MGP: variants seen among roughly 807,000 people sequenced by gnomAD.
The protein encoded by MGP is matrix Gla protein.
A neutral mutation model predicts 14.5 loss-of-function variants in MGP; 13 were observed. The observed-to-expected ratio is 0.89, with a 90% CI of 0.58 to 1.42. The LOEUF (loss-of-function observed/expected upper bound fraction) is 1.42. Ranked by LOEUF, MGP falls within the 40% of genes most tolerant of loss-of-function variation. MGP has a pLI of 0.00. For missense variants in MGP, 128 were observed against 133.7 expected (o/e 0.96, Z 0.21); for synonymous variants, 44 against 46.3 (o/e 0.95, Z 0.20).
intron 2 of MGP, chr12:14,883,770 G>T (rs546019754): frequency 6.1e-6 from 1 of 164,288 alleles, no homozygotes; most frequent in Admixed American, 6.0e-5. Flanking sequence ...CTGCACTCTA[G>T]CCTGGGCGAC....
intron 3 of MGP, among the ~76,000 whole-genome samples, chr12:14,882,731 A>G (rs1244249167): frequency 7.7e-6 from 1 of 129,214 alleles, no homozygotes; most frequent in South Asian, 2.5e-4. Context: ...TTTTTTTTTA[A>G]TGAAAATAGA....
rs572122078 is a variant in MGP at position 14,884,709 on chromosome 12, G to C, written c.62-464C>G. 26 of 949,458 alleles carry C rather than the reference G, an allele frequency of 2.7e-5. No homozygotes were observed. In the East Asian group the frequency reaches 6.4e-4, roughly 23 times the overall value. The allele number at this position is 949,458 out of a possible 1,614,324, so 58.8% of individuals were successfully genotyped here. A position where few individuals can be genotyped will look rare whatever the true frequency, so the allele number is the denominator to read the frequency against. ...AAGAGAACTACAGGGCAGTTGCTCTGCTGGGCTTACTAGGGCAGGTTTCTA... is the reference window on the plus strand; with the variant it reads ...AAGAGAACTACAGGGCAGTTGCTCTCCTGGGCTTACTAGGGCAGGTTTCTA... On this transcript the variant is annotated intron_variant, in intron 1 of 3. Coordinates refer to ENST00000539261, the MANE Select transcript of MGP (RefSeq NM_000900.5).
chr12:14,884,722 G>A, intron 1 of MGP: 3 of 1,116,388 alleles, frequency 2.7e-6, no homozygotes, highest in South Asian at 3.2e-5. Context: ...GGGCTTACTA[G>A]GGCAGGTTTC....
rs557302587 is a variant in MGP, at chr12:14,881,084, G to A, written c.*1055C>T. On this transcript the variant is annotated 3_prime_UTR_variant, in exon 4 of 4. Coordinates refer to ENST00000539261, the MANE Select transcript of MGP (RefSeq NM_000900.5). ...CCTGCAGACCTGAACTATAAAAAAC[G>A]TTAAAGGAAGTCGTCAGGCAGAAAG... 6.6e-6 allele frequency: 1 copy of A among 152,160 alleles called. No homozygotes were observed. The highest frequency in any genetic ancestry group is 2.4e-5 in the African/African-American group (1 of 41,440). 9.4% of individuals were successfully genotyped at this position (152,160 alleles called of 1,614,324 possible).
rs529809723 is a variant in MGP, at chr12:14,882,127, C to A, written c.*12G>T. 1.2e-6 allele frequency: 2 copies of A among 1,613,806 alleles called. No homozygotes were observed. The highest frequency in any genetic ancestry group is 2.2e-5 in the East Asian group (1 of 44,870). On this transcript the variant is annotated 3_prime_UTR_variant, in exon 4 of 4. Transcript: ENST00000539261. ...CTCCAGAAAAAAAGAGATTTTTTTT[C>A]TTCCCTCAGTCTCATTTGGTCCCTC...
rs1863378328 is a variant in MGP at position 14,881,944 on chromosome 12, C to T, written c.*195G>A. 1 of 639,030 alleles carries T rather than the reference C, an allele frequency of 1.6e-6. No homozygotes were observed. The highest frequency in any genetic ancestry group is 2.7e-6 in the Non-Finnish European group (1 of 364,816). 39.6% of individuals were successfully genotyped at this position (639,030 alleles called of 1,614,324 possible). On this transcript the variant is annotated 3_prime_UTR_variant, in exon 4 of 4. Transcript: ENST00000539261. ...GGAACAATCACATATGTTGACTCTC[C>T]TTTGACCCTCACTGCAGTGCACTTT...
rs1023696172 is a variant in MGP at position 14,881,489 on chromosome 12, A to G, written c.*650T>C. The stretch of plus-strand genomic sequence containing the variant: ...TGTGATTATTGATATAGTTAAGTGT[A>G]TAAACTATTATTGACAGTTTTTGCC... On this transcript the variant is annotated 3_prime_UTR_variant, in exon 4 of 4. Transcript: ENST00000539261. The G allele has an allele frequency of 1.3e-5, 2 of 153,196 alleles. No individual in the cohort carries two copies. Among genetic ancestry groups the G allele is most frequent in the Non-Finnish European group, 2.9e-5 (2 of 68,750 alleles). 9.5% of individuals were successfully genotyped at this position (153,196 alleles called of 1,614,324 possible). A position where few individuals can be genotyped will look rare whatever the true frequency, so the allele number is the denominator to read the frequency against.
intron 2 of MGP, 90 bp from the exon 3 acceptor site, chr12:14,883,137 G>T: frequency 9.4e-7 from 1 of 1,064,074 alleles, no homozygotes; most frequent in Non-Finnish European, 1.4e-6. Flanking sequence ...ATATTTGAAA[G>T]TGCCTTAACT....
rs763646242 is a variant in MGP, at chr12:14,883,008, G to A, written c.134C>T (p.Ser45Phe). Residue 45 changes from serine to phenylalanine, a missense_variant, in exon 3 of 4, where the codon TCC (serine) becomes TTC (phenylalanine). Transcript: ENST00000539261. ...TTTAGCTCTCCATCTCTGCTGAGGG[G>A]ATATGAAGGTATTTGCATTTCTCCT... Reference protein sequence around the residue: ...INRRNANTFISPQQRWRAKVQ... With the variant: ...INRRNANTFIFPQQRWRAKVQ... 1 of 1,612,818 alleles carries A rather than the reference G, an allele frequency of 6.2e-7. No individual in the cohort carries two copies. Among genetic ancestry groups the A allele is most frequent in the Non-Finnish European group, 8.5e-7 (1 of 1,178,950 alleles).
At chr12:14,882,638 C>T (rs1401784447) in intron 3 of MGP, among the ~76,000 whole-genome samples, 1 of 149,228 alleles carries the variant, frequency 6.7e-6, no homozygotes, top group Non-Finnish European at 1.5e-5. Context: ...GTCTGGGCAA[C>T]AGAGTGAGAC....
Position 14,882,638 on chromosome 12 carries a change from CAGAG to C in MGP, c.170+330_170+333del, listed in dbSNP as rs1451704103. ...TGCCACTATAATCCAGTCTGGGCAA[CAGAG>C]TGAGACTCTGTCTCAGAAAAACCAA... On this transcript the variant is annotated intron_variant, in intron 3 of 3. Transcript: ENST00000539261. Among the ~76,000 whole-genome samples, 6 of 149,304 alleles carry C rather than the reference CAGAG, an allele frequency of 4.0e-5. No homozygotes were observed. In the East Asian group the frequency reaches 1.2e-3, roughly 29 times the overall value.
chr12:14,882,201 T>C lies in MGP; in HGVS notation c.250A>G (p.Met84Val), dbSNP rs1863384211. The change falls in exon 4 of 4, where the codon ATG (methionine) becomes GTG (valine). Residue 84 changes from methionine to valine, a missense_variant. Physicochemically the swap from Met to Val is conservative, Grantham distance 21 (BLOSUM62 1). Coordinates refer to ENST00000539261, the MANE Select transcript of MGP (RefSeq NM_000900.5). ...DDYRLCERYA[M>V]VYGYNAAYNR... is the part of the protein sequence containing the mutation. ...TAGGCAGCATTGTATCCATAAACCA[T>C]GGCGTAGCGTTCGCAAAGTCTGTAG... 1.9e-6 allele frequency: 3 copies of C among 1,613,978 alleles called. No individual in the cohort carries two copies. Among genetic ancestry groups the C allele is most frequent in the South Asian group, 2.2e-5 (2 of 91,078 alleles).
Position 14,883,041 on chromosome 12 carries a change from A to C in MGP, c.101T>G (p.Phe34Cys). ...GGTATTTGCATTTCTCCTGTTAATGAAGGGATCTTAGAACAGAAAATAAAT... is the reference window on the plus strand; with the variant it reads ...GGTATTTGCATTTCTCCTGTTAATGCAGGGATCTTAGAACAGAAAATAAAT... ...ESMESYELNP[F>C]INRRNANTFI... Residue 34 changes from phenylalanine (F) to cysteine (C), a missense_variant, in exon 3 of 4, where the codon TTC becomes TGC. Phe to Cys is a radical substitution (Grantham distance 205, BLOSUM62 -2). Transcript: ENST00000539261. 1 of 1,606,726 alleles carries C rather than the reference A, an allele frequency of 6.2e-7. No individual in the cohort carries two copies. The highest frequency in any genetic ancestry group is 8.5e-7 in the Non-Finnish European group (1 of 1,173,374).
chr12:14,884,327 G>A, intron 1 of MGP, 82 bp from the exon 2 acceptor site: 2 of 952,322 alleles, frequency 2.1e-6, no homozygotes, highest in Non-Finnish European at 3.1e-6. Flanking sequence ...TAGACACTGT[G>A]ATAGTTTAAA....
intron 1 of MGP, among the ~76,000 whole-genome samples, chr12:14,884,562 C>T (rs555626032): frequency 6.6e-6 from 1 of 152,230 alleles, no homozygotes; most frequent in Non-Finnish European, 1.5e-5. Flanking sequence ...CAAAATAAGA[C>T]ACTTTAAGTG....
At position 14,885,831 on chromosome 12, in the gene MGP, A is replaced by G. The variant is rs376424772; in HGVS notation, c.-40T>C. 3 of 1,570,082 alleles carry G rather than the reference A, an allele frequency of 1.9e-6. No homozygotes were observed. The highest frequency in any genetic ancestry group is 2.2e-5 in the East Asian group (1 of 44,638). Reference sequence around the variant, plus strand: ...GGTCAGTCTCAGGGTCTTGTGTAGCAGCAGTAGGGAGAGAGGCTCCTACGG... The same window carrying G: ...GGTCAGTCTCAGGGTCTTGTGTAGCGGCAGTAGGGAGAGAGGCTCCTACGG... On this transcript the variant is annotated 5_prime_UTR_variant, in exon 1 of 4. Transcript: ENST00000539261.
chr12:14,881,125 G>C lies in MGP; in HGVS notation c.*1014C>G, dbSNP rs542920620. On this transcript the variant is annotated 3_prime_UTR_variant, in exon 4 of 4. Coordinates refer to ENST00000539261, the MANE Select transcript of MGP (RefSeq NM_000900.5). Reference sequence around the variant, plus strand: ...AGGCAGAAAGGAAGTGACACCAGATGGAAAGAAGAATGAAGAAAACAGGAA... The same window carrying C: ...AGGCAGAAAGGAAGTGACACCAGATCGAAAGAAGAATGAAGAAAACAGGAA... The C allele has an allele frequency of 1.3e-5, 2 of 152,114 alleles. No homozygotes were observed. Among genetic ancestry groups the C allele is most frequent in the Non-Finnish European group, 2.9e-5 (2 of 68,032 alleles). 9.4% of individuals were successfully genotyped at this position (152,114 alleles called of 1,614,324 possible). A position where few individuals can be genotyped will look rare whatever the true frequency, so the allele number is the denominator to read the frequency against.
At chr12:14,883,128 T>C in intron 2 of MGP, 81 bp from the exon 3 acceptor site, 1 of 1,107,042 alleles carries the variant, frequency 9.0e-7, no homozygotes, top group South Asian at 1.3e-5. Flanking sequence ...GACACAAATA[T>C]ATTTGAAAGT....
chr12:14,882,379 G>C, intron 3 of MGP, 99 bp from the exon 4 acceptor site: 1 of 1,373,218 alleles, frequency 7.3e-7, no homozygotes, highest in Non-Finnish European at 1.0e-6. Context: ...TTCTCTCCAT[G>C]CCCCCCTATA....
Sources: gnomAD v4.1 joint callset for allele counts (sites outside exome capture counted in the v4.1 genomes callset) on GRCh38, gnomAD v4.1.1 for gene constraint, MANE v1.5 for transcripts, NCBI Gene and HGNC (gene_info 2026-07-23, HGNC 2026-07-21) for gene names.